Variants in GRM7 observed in about 807,000 individuals in gnomAD.
GRM7 encodes the protein glutamate metabotropic receptor 7.
In GRM7, 35 loss-of-function variants were observed where a neutral mutation model predicts 84.5. The observed-to-expected ratio is 0.41, with a 90% CI of 0.32 to 0.55. The LOEUF is 0.55. Among genes scored for constraint, GRM7 ranks in the 20% least tolerant of loss-of-function variants. The pLI, the probability that GRM7 is intolerant of heterozygous loss-of-function variation, is 0.19. For missense variants in GRM7, 1,003 were observed against 1,194.6 expected, an observed-to-expected ratio of 0.84 and a Z score of 2.36; for synonymous variants, 487 against 455.1, an observed-to-expected ratio of 1.07 and a Z score of -0.89.
Position 7,146,628 on chromosome 3 carries a change from G to A in GRM7, c.696G>A (p.Glu232=), listed in dbSNP as rs1358242184. 6.2e-7 allele frequency: 1 copy of A among 1,613,890 alleles called. No homozygotes were observed. Among genetic ancestry groups the A allele is most frequent in the East Asian group, 2.2e-5 (1 of 44,870 alleles). The change falls in exon 2 of 10, where the codon GAG becomes GAA. Residue 232 remains glutamate (E), a synonymous_variant. Coordinates refer to ENST00000357716, the MANE Select transcript of GRM7 (RefSeq NM_000844.4). ...TCGCATCGGAAGGAAGTTATGGAGAGAAAGGTGTGGAGTCCTTCACGCAGA... is the reference window on the plus strand; with the variant it reads ...TCGCATCGGAAGGAAGTTATGGAGAAAAAGGTGTGGAGTCCTTCACGCAGA... ...STLASEGSYG[E]KGVESFTQIS...
chr3:7,321,504 G>A (rs779176465), intron 4 of GRM7, among the ~76,000 whole-genome samples: 6 of 151,924 alleles, frequency 3.9e-5, no homozygotes, highest in Non-Finnish European at 7.4e-5. Context: ...TCTCTGCTGT[G>A]TGTTTTTTTC....
chr3:6,896,441 T>C (rs1696185022), intron 1 of GRM7, among the ~76,000 whole-genome samples: 1 of 152,216 alleles, frequency 6.6e-6, no homozygotes, highest in African/African-American at 2.4e-5. Flanking sequence ...ATCACTTTCA[T>C]GAATAGATTT....
intron 2 of GRM7, among the ~76,000 whole-genome samples, chr3:7,215,781 A>G (rs1575042168): frequency 6.6e-6 from 1 of 152,344 alleles, no homozygotes; most frequent in African/African-American, 2.4e-5. Flanking sequence ...AGGCTAGACA[A>G]ATGTAGTTGT....
At chr3:7,561,461 G>A (rs925312215) in intron 7 of GRM7, 4 of 455,346 alleles carry the variant, frequency 8.8e-6, no homozygotes, top group Non-Finnish European at 1.8e-5. Context: ...CTTTGATTAT[G>A]AGATAGGAGA....
intron 4 of GRM7, among the ~76,000 whole-genome samples, chr3:7,330,689 T>A (rs1575176694): frequency 6.6e-6 from 1 of 152,186 alleles, no homozygotes; most frequent in Non-Finnish European, 1.5e-5. Flanking sequence ...GCATTTCACC[T>A]TCCACCATGA....
At chr3:7,470,843 C>G (rs1184371518) in intron 7 of GRM7, among the ~76,000 whole-genome samples, 1 of 152,068 alleles carries the variant, frequency 6.6e-6, no homozygotes, top group Non-Finnish European at 1.5e-5. Context: ...TACGATCTGC[C>G]TAACTTTTTT....
Position 7,645,567 on chromosome 3 carries a change from A to G in GRM7, c.2452-34482A>G, listed in dbSNP as rs866063258. 9.3e-3 allele frequency among the ~76,000 whole-genome samples: 1,375 copies of G among 148,642 alleles called. 23 individuals are homozygous for G. The highest frequency in any genetic ancestry group is 0.047 in the Middle Eastern group (13 of 274). ...ATCTTAAAAAAAAAAAAAAAAAAAA[A>G]AAAAGAAAAGAAAAAAGCCTACATT... On this transcript the variant is annotated intron_variant, in intron 8 of 9. Coordinates refer to ENST00000357716, the MANE Select transcript of GRM7 (RefSeq NM_000844.4).
intron 7 of GRM7, among the ~76,000 whole-genome samples, chr3:7,510,113 A>C (rs1195266862): frequency 2.0e-5 from 3 of 151,962 alleles, no homozygotes; most frequent in Non-Finnish European, 4.4e-5. Context: ...AGAGCTTTAA[A>C]CCCCCACTTT....
intron 8 of GRM7, among the ~76,000 whole-genome samples, chr3:7,664,600 T>C (rs1358056540): frequency 6.6e-6 from 1 of 152,238 alleles, no homozygotes; most frequent in African/African-American, 2.4e-5. Flanking sequence ...AATGGTGGTT[T>C]ACTGCACCCA....
intron 6 of GRM7, among the ~76,000 whole-genome samples, chr3:7,460,853 A>G (rs572382838): frequency 6.6e-6 from 1 of 152,002 alleles, no homozygotes; most frequent in Admixed American, 6.5e-5. Context: ...ATACAGATAT[A>G]GATATAGGTA....
intron 7 of GRM7, among the ~76,000 whole-genome samples, chr3:7,490,170 G>T (rs1201238700): frequency 6.6e-6 from 1 of 152,068 alleles, no homozygotes; most frequent in Non-Finnish European, 1.5e-5. Flanking sequence ...ATACATGAAA[G>T]ATAATATAAT....
At chr3:7,112,182 G>T (rs928295633) in intron 1 of GRM7, among the ~76,000 whole-genome samples, 52 of 151,834 alleles carry the variant, frequency 3.4e-4, no homozygotes, top group African/African-American at 1.2e-3. Flanking sequence ...ATGAGAGAGG[G>T]TATGTTTTTC....
intron 4 of GRM7, among the ~76,000 whole-genome samples, chr3:7,389,483 T>G (rs1161016246): frequency 1.3e-5 from 2 of 152,152 alleles, no homozygotes; most frequent in African/African-American, 4.8e-5. Flanking sequence ...ACTCTTATTT[T>G]GTGGCTATGG....
intron 2 of GRM7, among the ~76,000 whole-genome samples, chr3:7,206,484 G>A (rs1026098790): frequency 6.6e-6 from 1 of 152,158 alleles, no homozygotes; most frequent in Non-Finnish European, 1.5e-5. Context: ...AGTATTGTAA[G>A]TTTAATAAAC....
intron 2 of GRM7, among the ~76,000 whole-genome samples, chr3:7,210,868 C>G (rs1269816519): frequency 6.6e-6 from 1 of 150,728 alleles, no homozygotes; most frequent in Non-Finnish European, 1.5e-5. Context: ...ACTGATGTTA[C>G]TCTGGTGGAA....
chr3:6,914,474 C>G (rs1298053666), intron 1 of GRM7, among the ~76,000 whole-genome samples: 1 of 152,010 alleles, frequency 6.6e-6, no homozygotes, highest in Non-Finnish European at 1.5e-5. Context: ...ACTGTCTTGG[C>G]TCACTGCAAC....
intron 9 of GRM7, among the ~76,000 whole-genome samples, chr3:7,708,773 C>CCCAG (rs1159637638): frequency 2.0e-5 from 3 of 151,930 alleles, no homozygotes; most frequent in African/African-American, 7.3e-5. Context: ...CGGGTAGGAT[C>CCCAG]CCAGGGAAGT....
At chr3:6,899,090 G>C (rs1181465340) in intron 1 of GRM7, among the ~76,000 whole-genome samples, 1 of 152,120 alleles carries the variant, frequency 6.6e-6, no homozygotes, top group African/African-American at 2.4e-5. Flanking sequence ...GGTAAGAGTT[G>C]AGTCCAGTAA....
intron 8 of GRM7, among the ~76,000 whole-genome samples, chr3:7,604,366 G>A (rs1271585784): frequency 1.3e-5 from 2 of 152,180 alleles, no homozygotes; most frequent in Non-Finnish European, 2.9e-5. Flanking sequence ...AGGATTCTCA[G>A]ATTGGATTTT....
Sources: allele counts gnomAD v4.1 joint callset (sites outside exome capture counted in the v4.1 genomes callset), GRCh38; gene constraint gnomAD v4.1.1; transcripts MANE v1.5; gene names NCBI Gene and HGNC (gene_info 2026-07-23, HGNC 2026-07-21).